Variants in ESRP1 observed in about 807,000 individuals in gnomAD.
The protein encoded by ESRP1 is epithelial splicing regulatory protein 1, also known as RNA-binding motif protein 35A.
Under a neutral mutation model 81.7 loss-of-function variants are expected in ESRP1, and 33 were observed. The observed-to-expected ratio is 0.40, with a 90% CI of 0.31 to 0.54. The LOEUF (loss-of-function observed/expected upper bound fraction) is 0.54, where lower values mean the gene tolerates loss of function less well. Ranked by LOEUF, ESRP1 falls within the 20% of genes least tolerant of loss-of-function variation. The pLI is 0.41. For missense variants in ESRP1, 672 were observed against 833.1 expected, an observed-to-expected ratio of 0.81 and a Z score of 2.38; for synonymous variants, 320 against 303.3, an observed-to-expected ratio of 1.06 and a Z score of -0.57.
chr8:94,690,842 C>T (rs1809374092), intron 13 of ESRP1, among the ~76,000 whole-genome samples: 1 of 152,066 alleles, frequency 6.6e-6, no homozygotes, highest in Non-Finnish European at 1.5e-5. Flanking sequence ...CAAATATGTG[C>T]AGAAGTCCCG....
In ESRP1 at chr8:94,641,489, G is replaced by A. The variant is rs764443749; in HGVS notation, c.132+39G>A. On this transcript the variant is annotated intron_variant, in intron 1 of 15. Coordinates refer to ENST00000433389, the MANE Select transcript of ESRP1 (RefSeq NM_017697.4). ...TTTTCGTCTAAATGCAAGGAATGGG[G>A]CAAGAAGTTTGTGGTAGAGGTTTGG... is the stretch of plus-strand genomic sequence containing the variant. The A allele has an allele frequency of 3.5e-5, 56 of 1,613,286 alleles. No individual in the cohort carries two copies. The African/African-American group carries it at 6.4e-4, about 18-fold the overall frequency.
chr8:94,659,253 C>T (rs1818593650), intron 4 of ESRP1, among the ~76,000 whole-genome samples: 1 of 152,186 alleles, frequency 6.6e-6, no homozygotes, highest in African/African-American at 2.4e-5. Flanking sequence ...TCTATTGACA[C>T]CATTTTTCCA....
chr8:94,681,814 G>T, intron 13 of ESRP1, among the ~76,000 whole-genome samples: 1 of 151,990 alleles, frequency 6.6e-6, no homozygotes, highest in East Asian at 1.9e-4. Flanking sequence ...GGCACCTATA[G>T]TTCCAGCTAC....
intron 6 of ESRP1, 121 bp downstream of exon 6, chr8:94,662,676 C>G: frequency 1.3e-6 from 1 of 763,296 alleles, no homozygotes; most frequent in East Asian, 2.8e-5. Context: ...GGCACGATCT[C>G]AGCTCACTGC....
intron 4 of ESRP1, among the ~76,000 whole-genome samples, chr8:94,649,972 A>AGAACCCTTG (rs1367336922): frequency 6.6e-6 from 1 of 152,076 alleles, no homozygotes; most frequent in Non-Finnish European, 1.5e-5. Context: ...TTGTTCCTAT[A>AGAACCCTTG]GAACCCTTGT....
intron 3 of ESRP1, among the ~76,000 whole-genome samples, chr8:94,645,417 A>C (rs961283866): frequency 8.2e-6 from 1 of 122,684 alleles, no homozygotes; most frequent in African/African-American, 2.6e-5. Context: ...ATGCTGGGTT[A>C]TTTTGTTAAG....
intron 13 of ESRP1, among the ~76,000 whole-genome samples, chr8:94,681,705 G>A (rs1212213424): frequency 2.0e-5 from 3 of 152,138 alleles, no homozygotes; most frequent in Admixed American, 6.5e-5. Context: ...TCGGGAGGCC[G>A]AGGCAGGCAG....
intron 11 of ESRP1, among the ~76,000 whole-genome samples, chr8:94,672,545 T>TA (rs1445033085): frequency 1.3e-5 from 2 of 152,186 alleles, no homozygotes; most frequent in African/African-American, 4.8e-5. Context: ...ACTTTTTTTT[T>TA]TTTTTGAGAC....
chr8:94,670,428 C>A (rs1291331138), intron 10 of ESRP1, among the ~76,000 whole-genome samples: 1 of 152,088 alleles, frequency 6.6e-6, no homozygotes, highest in African/African-American at 2.4e-5. Context: ...TGCCGTTTCT[C>A]TGGTGGTGTG....
At chr8:94,676,537 T>A (rs1808643972) in intron 12 of ESRP1, among the ~76,000 whole-genome samples, 1 of 151,992 alleles carries the variant, frequency 6.6e-6, no homozygotes, top group African/African-American at 2.4e-5. Context: ...GTCTTGCTTT[T>A]CTGCCAGGCT....
At chr8:94,644,600 A>G (rs185562296) in intron 3 of ESRP1, among the ~76,000 whole-genome samples, 36 of 152,250 alleles carry the variant, frequency 2.4e-4, no homozygotes, top group African/African-American at 8.7e-4. Flanking sequence ...TTTACTCCCA[A>G]ACTCACATGA....
intron 11 of ESRP1, among the ~76,000 whole-genome samples, chr8:94,672,766 C>T (rs1307035094): frequency 3.3e-5 from 5 of 152,214 alleles, no homozygotes; most frequent in South Asian, 2.1e-4. Flanking sequence ...CTCCTGACCT[C>T]GGGCGATCTA....
intron 15 of ESRP1, among the ~76,000 whole-genome samples, chr8:94,702,007 G>A (rs1403747016): frequency 1.3e-5 from 2 of 152,194 alleles, no homozygotes; most frequent in East Asian, 1.9e-4. Context: ...CAGCCCAGGA[G>A]GTCGAGGTTG....
intron 13 of ESRP1, among the ~76,000 whole-genome samples, chr8:94,686,701 G>A (rs1289499348): frequency 6.6e-6 from 1 of 152,068 alleles, no homozygotes; most frequent in Non-Finnish European, 1.5e-5. Flanking sequence ...TTACATTATT[G>A]ACACAATGTA....
Position 94,671,520 on chromosome 8 carries a change from C to T in ESRP1, c.1301C>T (p.Pro434Leu). 3 of 1,613,936 alleles carry T rather than the reference C, an allele frequency of 1.9e-6. No individual in the cohort carries two copies. The highest frequency in any genetic ancestry group is 2.2e-5 in the East Asian group (1 of 44,882). Reference sequence around the variant, plus strand: ...ACCCCTCCCATTATTCCAGTACTACCTCAGCAATTTGTGCCCCCTACAAAT... The same window carrying T: ...ACCCCTCCCATTATTCCAGTACTACTTCAGCAATTTGTGCCCCCTACAAAT... ...LPTPPIIPVL[P>L]QQFVPPTNVR... Residue 434 changes from proline to leucine, a missense_variant, in exon 11 of 16, where the codon CCT (proline) becomes CTT (leucine). By Grantham distance (98) the Pro-to-Leu change is moderately conservative. Transcript: ENST00000433389.
At chr8:94,677,864 G>C (rs1586225436) in intron 12 of ESRP1, among the ~76,000 whole-genome samples, 1 of 152,104 alleles carries the variant, frequency 6.6e-6, no homozygotes. Context: ...TCAGTTCCTT[G>C]TTTCTTTCCT....
intron 13 of ESRP1, among the ~76,000 whole-genome samples, chr8:94,687,623 G>A (rs948265430): frequency 6.6e-6 from 1 of 152,004 alleles, no homozygotes; most frequent in Admixed American, 6.6e-5. Context: ...CATTTTCTTG[G>A]GTGTGGGTTT....
rs57801249 is a variant in ESRP1 at position 94,705,156 on chromosome 8, C to CTTTTTTTTTTTTT, written c.*36-752_*36-740dup. Among the ~76,000 whole-genome samples, 4 of 90,534 alleles carry CTTTTTTTTTTTTT rather than the reference C, an allele frequency of 4.4e-5. 2 individuals are homozygous for CTTTTTTTTTTTTT. Among genetic ancestry groups the CTTTTTTTTTTTTT allele is most frequent in the Non-Finnish European group, 8.3e-5 (4 of 47,918 alleles). 59.4% of individuals were successfully genotyped at this position (90,534 alleles called of 152,430 possible). On this transcript the variant is annotated intron_variant, in intron 15 of 15. Coordinates refer to ENST00000433389, the MANE Select transcript of ESRP1 (RefSeq NM_017697.4). ...TTTGCTGTTATGTCATGCCTTATTG[C>CTTTTTTTTTTTTT]TTTTTTTTTTTTTTTTTTTTTTTTT...
chr8:94,705,898 A>G (rs765932308), intron 15 of ESRP1, 27 bp from the exon 16 acceptor site: 3 of 1,385,946 alleles, frequency 2.2e-6, no homozygotes, highest in Non-Finnish European at 2.8e-6. Flanking sequence ...ATTTCCTTTT[A>G]TTCACTTTTT....
Sources: allele counts gnomAD v4.1 joint callset (sites outside exome capture counted in the v4.1 genomes callset), GRCh38; gene constraint gnomAD v4.1.1; transcripts MANE v1.5; gene names NCBI Gene and HGNC (gene_info 2026-07-23, HGNC 2026-07-21).